Variants in KLF8 observed in about 807,000 individuals in gnomAD.
KLF8 encodes the protein KLF transcription factor 8.
A neutral mutation model predicts 18.2 loss-of-function variants in KLF8; 10 were observed. That is an observed-to-expected ratio of 0.55 (90% CI 0.34 to 0.93). The LOEUF is 0.93. KLF8 is among the 40% of genes least tolerant of loss of function. KLF8 has a pLI of 0.02. For missense variants in KLF8, 264 were observed against 277.9 expected (o/e 0.95, Z 0.36); for synonymous variants, 109 against 97.3 (o/e 1.12, Z -0.71).
intron 1 of KLF8, chrX:56,243,528 CTTTTTTTT>C (rs773032466): frequency 6.9e-5 from 4 of 58,190 alleles, no homozygotes; most frequent in South Asian, 7.2e-4. Flanking sequence ...GAAACTCTTG[CTTTTTTTT>C]TTTTTTTTTT....
the KLF8 span, among the ~76,000 whole-genome samples, chrX:56,223,236 G>T: frequency 8.9e-6 from 1 of 112,976 alleles, no homozygotes; most frequent in Admixed American, 9.3e-5. Context: ...TCTGTAAAAT[G>T]GGGATAATGG....
chrX:56,139,617 A>G, the KLF8 span, among the ~76,000 whole-genome samples: 1 of 111,994 alleles, frequency 8.9e-6, no homozygotes, highest in African/African-American at 3.2e-5. Flanking sequence ...CACCATACAC[A>G]AAAATTAACT....
the KLF8 span, among the ~76,000 whole-genome samples, chrX:56,154,435 C>T: frequency 9.0e-5 from 10 of 111,695 alleles, no homozygotes; most frequent in Non-Finnish European, 1.5e-4. Flanking sequence ...CTTCCTTACA[C>T]CTTATACAAA....
chrX:55,920,345 A>G, the KLF8 span, among the ~76,000 whole-genome samples: 1 of 111,755 alleles, frequency 8.9e-6, no homozygotes, highest in Non-Finnish European at 1.9e-5. Flanking sequence ...CAATTCTGGT[A>G]ATATGACAAA....
the KLF8 span, among the ~76,000 whole-genome samples, chrX:56,097,072 G>A: frequency 9.0e-6 from 1 of 111,386 alleles, no homozygotes; most frequent in Non-Finnish European, 1.9e-5. Flanking sequence ...TAGCAAATCA[G>A]GTTCAACCAT....
chrX:56,054,712 T>G, the KLF8 span, among the ~76,000 whole-genome samples: 1 of 111,852 alleles, frequency 8.9e-6, no homozygotes, highest in Admixed American at 9.5e-5. Context: ...TCTCACTGTG[T>G]GTGAGTCTAC....
At chrX:56,239,354 T>C (rs1337059528) in intron 1 of KLF8, among the ~76,000 whole-genome samples, 1 of 112,172 alleles carries the variant, frequency 8.9e-6, no homozygotes, top group Non-Finnish European at 1.9e-5. Context: ...TCTCAGCTTT[T>C]TTAGAAAAGC....
the KLF8 span, among the ~76,000 whole-genome samples, chrX:56,188,025 G>A: frequency 9.0e-6 from 1 of 111,105 alleles, no homozygotes; most frequent in Non-Finnish European, 1.9e-5. Context: ...TCTGGCCAGG[G>A]CAATTAGGCA....
the KLF8 span, among the ~76,000 whole-genome samples, chrX:55,951,696 G>A: frequency 9.1e-6 from 1 of 109,544 alleles, no homozygotes; most frequent in Admixed American, 9.8e-5. Flanking sequence ...GCTTTGGAGG[G>A]GGTGAGGACT....
intron 5 of KLF8, among the ~76,000 whole-genome samples, chrX:56,274,089 A>C (rs759250686): frequency 9.0e-6 from 1 of 110,978 alleles, no homozygotes; most frequent in African/African-American, 3.3e-5. Flanking sequence ...TTTCTGAGAA[A>C]CCTCCAAATT....
At chrX:56,155,364 C>G in the KLF8 span, among the ~76,000 whole-genome samples, 1 of 111,002 alleles carries the variant, frequency 9.0e-6, no homozygotes, top group Admixed American at 9.6e-5. Flanking sequence ...GAGAAAAAAC[C>G]AAACATCACA....
the KLF8 span, chrX:55,961,902 T>A: frequency 9.7e-6 from 2 of 206,023 alleles, no homozygotes; most frequent in African/African-American, 2.9e-5. Context: ...AGAAAAATAA[T>A]CTCTTTGCAT....
the KLF8 span, among the ~76,000 whole-genome samples, chrX:56,066,206 G>A: frequency 8.9e-6 from 1 of 112,214 alleles, no homozygotes. Flanking sequence ...AGTTTGTGTG[G>A]GTGGGTGCCA....
the KLF8 span, among the ~76,000 whole-genome samples, chrX:56,052,353 TAG>T: frequency 1.8e-5 from 2 of 112,269 alleles, no homozygotes; most frequent in Non-Finnish European, 3.8e-5. Context: ...CTCTGCTTTT[TAG>T]AGTTTCCAGT....
the KLF8 span, among the ~76,000 whole-genome samples, chrX:55,913,741 A>G: frequency 1.5e-4 from 17 of 112,140 alleles, no homozygotes; most frequent in South Asian, 2.2e-3. Flanking sequence ...AATACAGAGT[A>G]GAGGGGAAAG....
rs140099801 is a variant in KLF8 at position 56,244,719 on chromosome X, T to A, written c.8-5512T>A. Reference sequence around the variant, plus strand: ...TCCCAAAGGCCCATTGCAACACTACTCTTAATTCCTCTGGAAGATGTGCAA... The same window carrying A: ...TCCCAAAGGCCCATTGCAACACTACACTTAATTCCTCTGGAAGATGTGCAA... On this transcript the variant is annotated intron_variant, in intron 1 of 5. Coordinates refer to ENST00000468660, the MANE Select transcript of KLF8 (RefSeq NM_007250.5). 1.7e-4 allele frequency among the ~76,000 whole-genome samples: 19 copies of A among 112,345 alleles called. 1 individual carries two copies. The highest frequency in any genetic ancestry group is 5.5e-4 in the African/African-American group (17 of 30,971).
the KLF8 span, among the ~76,000 whole-genome samples, chrX:56,148,034 A>G: frequency 1.8e-5 from 2 of 111,871 alleles, no homozygotes; most frequent in Admixed American, 9.5e-5. Context: ...GATGTACTAA[A>G]TGTCACTCTA....
the KLF8 span, among the ~76,000 whole-genome samples, chrX:56,072,920 C>G: frequency 9.1e-6 from 1 of 110,337 alleles, no homozygotes; most frequent in African/African-American, 3.3e-5. Context: ...TTTGCCAATT[C>G]TAGATATTTT....
chrX:56,175,384 A>G, the KLF8 span, among the ~76,000 whole-genome samples: 3 of 112,015 alleles, frequency 2.7e-5, no homozygotes, highest in African/African-American at 9.7e-5. Context: ...CAGGTTGCTC[A>G]GTTTCCATGT....
Sources: gnomAD v4.1 joint callset for allele counts (sites outside exome capture counted in the v4.1 genomes callset) on GRCh38, gnomAD v4.1.1 for gene constraint, MANE v1.5 for transcripts, NCBI Gene and HGNC (gene_info 2026-07-23, HGNC 2026-07-21) for gene names.